The following RAD51B variants were observed in gnomAD, a reference collection of about 807,000 sequenced individuals.
RAD51B encodes the protein DNA repair protein RAD51 homolog 2.
Under a neutral mutation model 42.2 loss-of-function variants are expected in RAD51B, and 38 were observed. The ratio of observed to expected loss-of-function variants is 0.90; its 90% CI spans 0.70 to 1.18. The LOEUF is 1.18. Among genes scored for constraint, RAD51B ranks in the 50% most tolerant of loss-of-function variants. RAD51B has a pLI of 0.00. For synonymous variants in RAD51B, 154 were observed against 145.2 expected, an observed-to-expected ratio of 1.06 and a Z score of -0.43; for missense variants, 373 against 400.7, an observed-to-expected ratio of 0.93 and a Z score of 0.59.
At chr14:68,445,848 A>G (rs777166192) in intron 9 of RAD51B, among the ~76,000 whole-genome samples, 4 of 152,212 alleles carry the variant, frequency 2.6e-5, no homozygotes, top group East Asian at 1.9e-4. Context: ...GGGATCAACT[A>G]TCCTCCAGAG....
chr14:68,430,545 G>T lies in RAD51B; in HGVS notation c.957+19018G>T, dbSNP rs1035617563. ...GGAATTCACTCAGGATTTGACTCTC[G>T]GTTTGTCTGTTATTGGTGTATAAGA... On this transcript the variant is annotated intron_variant, in intron 9 of 10. Transcript: ENST00000471583. Among the ~76,000 whole-genome samples the T allele has an allele frequency of 6.6e-5, 10 of 152,052 alleles. 1 individual carries two copies. Among genetic ancestry groups the T allele is most frequent in the African/African-American group, 2.2e-4 (9 of 41,478 alleles).
chr14:68,488,378 A>G (rs1883805130), intron 10 of RAD51B, among the ~76,000 whole-genome samples: 1 of 152,100 alleles, frequency 6.6e-6, no homozygotes, highest in African/African-American at 2.4e-5. Flanking sequence ...AAAGACTCTC[A>G]TTCTGACCAA....
intron 10 of RAD51B, among the ~76,000 whole-genome samples, chr14:68,586,574 G>A (rs1595001286): frequency 1.3e-5 from 2 of 152,178 alleles, no homozygotes; most frequent in East Asian, 3.8e-4. Context: ...AGGTGAGTGG[G>A]CCCAAAGAGT....
chr14:68,592,413 G>A (rs1262161484), intron 10 of RAD51B, among the ~76,000 whole-genome samples: 1 of 152,110 alleles, frequency 6.6e-6, no homozygotes, highest in Non-Finnish European at 1.5e-5. Context: ...GCTATCATTT[G>A]TTGAGATCTT....
At chr14:67,899,278 T>C (rs1222584346) in intron 7 of RAD51B, among the ~76,000 whole-genome samples, 1 of 151,992 alleles carries the variant, frequency 6.6e-6, no homozygotes, top group African/African-American at 2.4e-5. Context: ...CTTGATCTCC[T>C]GACCTCGTGA....
At chr14:68,089,979 GA>G (rs1464898684) in intron 7 of RAD51B, among the ~76,000 whole-genome samples, 3 of 151,992 alleles carry the variant, frequency 2.0e-5, no homozygotes, top group African/African-American at 7.3e-5. Flanking sequence ...TAAAGTTTAG[GA>G]AAGTAAGCGG....
intron 7 of RAD51B, among the ~76,000 whole-genome samples, chr14:68,139,851 C>CT (rs1307758820): frequency 1.3e-5 from 2 of 152,176 alleles, no homozygotes; most frequent in African/African-American, 4.8e-5. Flanking sequence ...AACCAGATCC[C>CT]TGTTTTTGGC....
chr14:68,602,491 T>C (rs1293136297), intron 10 of RAD51B, among the ~76,000 whole-genome samples: 2 of 134,940 alleles, frequency 1.5e-5, no homozygotes, highest in Admixed American at 7.5e-5. Flanking sequence ...GGATGGATGA[T>C]GGATGGATGG....
At chr14:67,980,765 T>G (rs566517284) in intron 7 of RAD51B, among the ~76,000 whole-genome samples, 6 of 152,234 alleles carry the variant, frequency 3.9e-5, no homozygotes, top group South Asian at 2.1e-4. Flanking sequence ...ATGTAAAAAC[T>G]AAAACTATAA....
chr14:68,114,882 A>C (rs1248459479), intron 7 of RAD51B, among the ~76,000 whole-genome samples: 1 of 152,134 alleles, frequency 6.6e-6, no homozygotes, highest in Non-Finnish European at 1.5e-5. Flanking sequence ...TTTTCTTAAA[A>C]AGTCAGGAAA....
At chr14:68,427,347 G>A (rs1315553168) in intron 9 of RAD51B, among the ~76,000 whole-genome samples, 1 of 152,214 alleles carries the variant, frequency 6.6e-6, no homozygotes, top group Non-Finnish European at 1.5e-5. Flanking sequence ...GACAGCTGAA[G>A]CAGCAAGACT....
intron 10 of RAD51B, among the ~76,000 whole-genome samples, chr14:68,644,404 G>A (rs1243741997): frequency 6.6e-6 from 1 of 152,138 alleles, no homozygotes; most frequent in Non-Finnish European, 1.5e-5. Context: ...CTGACCCTCT[G>A]AGGGACCCTG....
At chr14:68,227,347 G>T (rs2080059747) in intron 7 of RAD51B, among the ~76,000 whole-genome samples, 1 of 152,106 alleles carries the variant, frequency 6.6e-6, no homozygotes, top group African/African-American at 2.4e-5. Flanking sequence ...GGGGTCCAAG[G>T]CCAGTTATTC....
intron 8 of RAD51B, among the ~76,000 whole-genome samples, chr14:68,366,401 A>G (rs1594735414): frequency 6.6e-6 from 1 of 152,348 alleles, no homozygotes; most frequent in Admixed American, 6.5e-5. Context: ...AGGAAACAAC[A>G]ACAACAAAAA....
chr14:67,887,551 A>G (rs747347402), intron 7 of RAD51B: 2 of 171,002 alleles, frequency 1.2e-5, no homozygotes, highest in African/African-American at 2.4e-5. Context: ...GTAAAACTTC[A>G]TGAAATTGCC....
At chr14:67,974,325 ACATGAAT>A (rs1185599155) in intron 7 of RAD51B, among the ~76,000 whole-genome samples, 14 of 152,234 alleles carry the variant, frequency 9.2e-5, no homozygotes, top group Non-Finnish European at 1.9e-4. Flanking sequence ...GATAGATGGT[ACATGAAT>A]ATGTTTAAAA....
chr14:67,906,671 T>G (rs1340068428), intron 7 of RAD51B, among the ~76,000 whole-genome samples: 4 of 152,244 alleles, frequency 2.6e-5, no homozygotes, highest in Non-Finnish European at 5.9e-5. Flanking sequence ...GTTTTTTAGT[T>G]TGTGCACATA....
chr14:68,389,982 G>A (rs1489043171), intron 8 of RAD51B, among the ~76,000 whole-genome samples: 2 of 152,178 alleles, frequency 1.3e-5, no homozygotes, highest in Non-Finnish European at 2.9e-5. Flanking sequence ...TCTGAGAATG[G>A]CTTGTTAGAG....
At chr14:68,645,224 A>G (rs1892540358) in intron 10 of RAD51B, among the ~76,000 whole-genome samples, 1 of 152,200 alleles carries the variant, frequency 6.6e-6, no homozygotes, top group South Asian at 2.1e-4. Flanking sequence ...TACTGTAAGT[A>G]TCTCGTGAGT....
Sources: gnomAD v4.1 joint callset for allele counts (sites outside exome capture counted in the v4.1 genomes callset) on GRCh38, gnomAD v4.1.1 for gene constraint, MANE v1.5 for transcripts, NCBI Gene and HGNC (gene_info 2026-07-23, HGNC 2026-07-21) for gene names.